Variants in MYO5A observed in about 807,000 individuals in gnomAD.
MYO5A encodes unconventional myosin-Va.
In MYO5A, 98 loss-of-function variants were observed where a neutral mutation model predicts 249.7. The observed-to-expected ratio is 0.39, with a 90% CI of 0.33 to 0.46. The LOEUF (loss-of-function observed/expected upper bound fraction) is 0.46, where lower values mean the gene tolerates loss of function less well. MYO5A is among the 20% of genes least tolerant of loss of function. The pLI is 0.98. For synonymous variants in MYO5A, 778 were observed against 810.6 expected (o/e 0.96, Z 0.68); for missense variants, 1,696 against 2,308.8 (o/e 0.73, Z 5.44).
At chr15:52,479,224 C>A (rs1028467571) in intron 1 of MYO5A, among the ~76,000 whole-genome samples, 2 of 152,052 alleles carry the variant, frequency 1.3e-5, no homozygotes, top group African/African-American at 4.8e-5. Context: ...GTGACCTGCC[C>A]TCCTCAGCCT....
At chr15:52,446,991 G>A (rs1275387521) in intron 1 of MYO5A, among the ~76,000 whole-genome samples, 3 of 152,166 alleles carry the variant, frequency 2.0e-5, no homozygotes, top group African/African-American at 7.2e-5. Context: ...TTTGGATTTG[G>A]ACTTCTGAGT....
intron 1 of MYO5A, among the ~76,000 whole-genome samples, chr15:52,448,646 C>T (rs2414152): frequency 0.15 from 22,912 of 152,034 alleles, 1,833 homozygotes; most frequent in Middle Eastern, 0.22. Context: ...TCCCCAGTGT[C>T]GAAGATGGGT....
chr15:52,493,078 G>T (rs1432044994), intron 1 of MYO5A, among the ~76,000 whole-genome samples: 1 of 152,106 alleles, frequency 6.6e-6, no homozygotes, highest in Non-Finnish European at 1.5e-5. Flanking sequence ...ATGTGAAAAA[G>T]GCTTTTGATT....
In MYO5A at chr15:52,367,090, A is replaced by G; in HGVS notation, c.3101T>C (p.Leu1034Pro). The change falls in exon 23 of 42, where the codon CTG (leucine) becomes CCG (proline). Residue 1034 changes from leucine (L) to proline (P), a missense_variant. By Grantham distance (98) the Leu-to-Pro change is moderately conservative. Transcript: ENST00000399233. ...ATTGAGGGCTTCTTTTTCTTGCTTC[A>G]GCAAAGTATTTTCTTCCTTCAGATT... ...VSNLKEENTLLKQEKEALNHR... is the reference protein window; with the variant it reads ...VSNLKEENTLPKQEKEALNHR... 1 of 1,613,784 alleles carries G rather than the reference A, an allele frequency of 6.2e-7. No homozygotes were observed. Among genetic ancestry groups the G allele is most frequent in the Non-Finnish European group, 8.5e-7 (1 of 1,179,760 alleles).
chr15:52,469,823 C>A (rs906126863), intron 1 of MYO5A, among the ~76,000 whole-genome samples: 1 of 152,168 alleles, frequency 6.6e-6, no homozygotes, highest in Non-Finnish European at 1.5e-5. Context: ...TTTTTTCTCA[C>A]AGTCCGGCAC....
At chr15:52,477,730 A>G (rs942624285) in intron 1 of MYO5A, among the ~76,000 whole-genome samples, 1 of 152,164 alleles carries the variant, frequency 6.6e-6, no homozygotes, top group African/African-American at 2.4e-5. Context: ...AACTGCAAAT[A>G]TTCCAGAACG....
intron 33 of MYO5A, 120 bp from the exon 34 acceptor site, chr15:52,336,676 G>A (rs2039136244): frequency 1.3e-6 from 1 of 772,822 alleles, no homozygotes; most frequent in Non-Finnish European, 2.1e-6. Flanking sequence ...GAGCTCATTG[G>A]TGGAGCCACC....
chr15:52,326,054 T>G (rs2038588409), intron 36 of MYO5A, among the ~76,000 whole-genome samples: 1 of 152,228 alleles, frequency 6.6e-6, no homozygotes. Context: ...CTGCATATCT[T>G]TGGCTAGTTA....
At chr15:52,471,992 T>G (rs1455553373) in intron 1 of MYO5A, among the ~76,000 whole-genome samples, 1 of 152,026 alleles carries the variant, frequency 6.6e-6, no homozygotes, top group African/African-American at 2.4e-5. Context: ...AGCCACTGTT[T>G]CTGGTCCTCA....
chr15:52,399,537 C>T (rs778671658), intron 9 of MYO5A, among the ~76,000 whole-genome samples: 6 of 152,192 alleles, frequency 3.9e-5, no homozygotes, highest in Admixed American at 6.6e-5. Context: ...AATACGTGCA[C>T]AGTGTTGCCA....
At position 52,346,525 on chromosome 15, in the gene MYO5A, A is replaced by G; in HGVS notation, c.3859-64T>C. ...CTCAAAAGCTTTGGACATAAAACAC[A>G]TTTATTTGGTATAACTGGGGGGCAG... On this transcript the variant is annotated intron_variant, in intron 29 of 41. Transcript: ENST00000399233. 8 of 1,044,130 alleles carry G rather than the reference A, an allele frequency of 7.7e-6. No individual in the cohort carries two copies. The South Asian group carries it at 1.1e-4, about 14-fold the overall frequency. 64.7% of individuals were successfully genotyped at this position (1,044,130 alleles called of 1,614,324 possible).
chr15:52,372,776 C>A (rs2041195959), intron 20 of MYO5A, among the ~76,000 whole-genome samples: 1 of 152,082 alleles, frequency 6.6e-6, no homozygotes. Flanking sequence ...ATAAAATTAA[C>A]AGAACCAGGC....
chr15:52,416,318 T>A lies in MYO5A; in HGVS notation c.456-17A>T, dbSNP rs750283897. ...CGTTCATCTCTGTAAAATAAAAATT[T>A]TTTAAAAAGTAACTGCCATTGCTGC... On this transcript the variant is annotated splice_polypyrimidine_tract_variant and intron_variant, in intron 4 of 41. Transcript: ENST00000399233. The A allele has an allele frequency of 1.2e-6, 2 of 1,612,912 alleles. No homozygotes were observed. Among genetic ancestry groups the A allele is most frequent in the South Asian group, 2.2e-5 (2 of 90,954 alleles).
chr15:52,321,550 C>G, intron 37 of MYO5A, 41 bp from the exon 38 acceptor site: 1 of 1,603,660 alleles, frequency 6.2e-7, no homozygotes, highest in Non-Finnish European at 8.5e-7. Flanking sequence ...CATGAAGTAA[C>G]CTGTCTCTTC....
At chr15:52,367,230 G>A in intron 22 of MYO5A, 106 bp from the exon 23 acceptor site, 1 of 964,566 alleles carries the variant, frequency 1.0e-6, no homozygotes, top group Non-Finnish European at 1.6e-6. Flanking sequence ...CCACCTCTGT[G>A]CTCCCTGTCT....
chr15:52,505,799 A>G (rs892581161), intron 1 of MYO5A: 3 of 1,590,810 alleles, frequency 1.9e-6, no homozygotes, highest in Non-Finnish European at 2.6e-6. Context: ...ATGCTGGAGG[A>G]GCAGATCACT....
intron 10 of MYO5A, among the ~76,000 whole-genome samples, chr15:52,396,831 T>C (rs568307541): frequency 1.3e-5 from 2 of 152,062 alleles, no homozygotes; most frequent in Non-Finnish European, 2.9e-5. Context: ...AAATTAAGTA[T>C]GAAACAGGCA....
chr15:52,458,229 T>C (rs914822837), intron 1 of MYO5A, among the ~76,000 whole-genome samples: 8 of 152,338 alleles, frequency 5.3e-5, no homozygotes, highest in Non-Finnish European at 8.8e-5. Context: ...CAATGTATTA[T>C]GTATTTCAAA....
intron 1 of MYO5A, among the ~76,000 whole-genome samples, chr15:52,516,294 T>C (rs1455870594): frequency 2.0e-5 from 3 of 152,218 alleles, no homozygotes; most frequent in African/African-American, 4.8e-5. Flanking sequence ...CTCAGAATAG[T>C]ATCTGGCCTA....
Sources: allele counts gnomAD v4.1 joint callset (sites outside exome capture counted in the v4.1 genomes callset), GRCh38; gene constraint gnomAD v4.1.1; transcripts MANE v1.5; gene names NCBI Gene and HGNC (gene_info 2026-07-23, HGNC 2026-07-21).